TSNARE1: variants seen among roughly 807,000 people sequenced by gnomAD.
The protein encoded by TSNARE1 is t-SNARE domain-containing protein 1.
A neutral mutation model predicts 62.0 loss-of-function variants in TSNARE1; 49 were observed. The observed-to-expected ratio is 0.79, with a 90% CI of 0.63 to 1.00. TSNARE1 has a LOEUF of 1.00. Among genes scored for constraint, TSNARE1 ranks in the 50% least tolerant of loss-of-function variants. The pLI, the probability that TSNARE1 is intolerant of heterozygous loss-of-function variation, is 0.00. For synonymous variants in TSNARE1, 328 were observed against 294.4 expected, an observed-to-expected ratio of 1.11 and a Z score of -1.17; for missense variants, 755 against 700.1, an observed-to-expected ratio of 1.08 and a Z score of -0.88.
At chr8:142,269,161 T>G (rs938158796) in intron 12 of TSNARE1, among the ~76,000 whole-genome samples, 1 of 152,090 alleles carries the variant, frequency 6.6e-6, no homozygotes, top group Non-Finnish European at 1.5e-5. Context: ...CTGACCAGGG[T>G]CAGGGCTGGG....
chr8:142,338,758 T>C (rs906122827), intron 4 of TSNARE1, among the ~76,000 whole-genome samples: 1 of 152,236 alleles, frequency 6.6e-6, no homozygotes. Flanking sequence ...GCAGCCTGAC[T>C]TGGCTTGAGC....
chr8:142,268,496 G>C (rs1432765019), intron 12 of TSNARE1, among the ~76,000 whole-genome samples: 1 of 152,176 alleles, frequency 6.6e-6, no homozygotes, highest in Non-Finnish European at 1.5e-5. Context: ...GTCCTGCAGG[G>C]AAGCCCCCGA....
At chr8:142,236,479 GC>G (rs1817430831) in intron 12 of TSNARE1, among the ~76,000 whole-genome samples, 1 of 152,012 alleles carries the variant, frequency 6.6e-6, no homozygotes, top group South Asian at 2.1e-4. Flanking sequence ...AACCTCCCGG[GC>G]TCCTCAGGCA....
At chr8:142,343,356 T>G (rs181522454) in intron 4 of TSNARE1, among the ~76,000 whole-genome samples, 2 of 151,800 alleles carry the variant, frequency 1.3e-5, no homozygotes, top group African/African-American at 4.8e-5. Context: ...TTTTCTTTCA[T>G]GAGTAGCACA....
chr8:142,219,114 G>A (rs1816083435), intron 13 of TSNARE1, among the ~76,000 whole-genome samples: 1 of 152,156 alleles, frequency 6.6e-6, no homozygotes, highest in Non-Finnish European at 1.5e-5. Flanking sequence ...GATGCTTTCT[G>A]TTCCCTGAGT....
rs1459864804 is a variant in TSNARE1 at position 142,300,755 on chromosome 8, C to CTCTGGGGGACGATCTGGG, written c.1132-112_1132-111insCCCAGATCGTCCCCCAGA. 3 of 1,107,264 alleles carry CTCTGGGGGACGATCTGGG rather than the reference C, an allele frequency of 2.7e-6. No individual in the cohort carries two copies. In the East Asian group the frequency reaches 9.0e-5, roughly 33 times the overall value. The allele number at this position is 1,107,264 out of a possible 1,614,324, so 68.6% of individuals were successfully genotyped here. ...TTTCCCTTCACTATCCCCATCTGCT[C>CTCTGGGGGACGATCTGGG]TCTGAGGGGACGATCTGGGTCTGAG... On this transcript the variant is annotated intron_variant, in intron 9 of 13. Coordinates refer to ENST00000524325, the MANE Select transcript of TSNARE1 (RefSeq NM_145003.5).
intron 1 of TSNARE1, among the ~76,000 whole-genome samples, chr8:142,400,701 CTGT>C (rs1838226855): frequency 6.6e-6 from 1 of 152,212 alleles, no homozygotes; most frequent in African/African-American, 2.4e-5. Flanking sequence ...CCCTAGCCAA[CTGT>C]TCTTATGGCC....
chr8:142,299,647 G>A (rs139598092), intron 10 of TSNARE1, among the ~76,000 whole-genome samples: 5 of 151,824 alleles, frequency 3.3e-5, no homozygotes, highest in Admixed American at 6.6e-5. Flanking sequence ...ACTCACGCAC[G>A]CACGCATACT....
chr8:142,403,085 C>T lies in TSNARE1; in HGVS notation c.-40+19G>A, dbSNP rs1457043791. On this transcript the variant is annotated intron_variant, in intron 1 of 13. Coordinates refer to ENST00000524325, the MANE Select transcript of TSNARE1 (RefSeq NM_145003.5). The stretch of plus-strand genomic sequence containing the variant: ...CGCCCGGCCCCGGCCAGGCCCCAGC[C>T]CCACCGCCGCCGCCTCACCTGGGCC... 4 of 148,794 alleles carry T rather than the reference C, an allele frequency of 2.7e-5. No homozygotes were observed. Among genetic ancestry groups the T allele is most frequent in the African/African-American group, 4.9e-5 (2 of 41,002 alleles). The allele number at this position is 148,794 out of a possible 1,614,324, so 9.2% of individuals were successfully genotyped here.
chr8:142,269,649 G>C (rs1819351167), intron 12 of TSNARE1: 3 of 985,334 alleles, frequency 3.0e-6, no homozygotes, highest in Non-Finnish European at 3.6e-6. Context: ...ATTTTTAATG[G>C]ACAAGAACCC....
At chr8:142,360,031 G>A (rs1442918404) in intron 1 of TSNARE1, among the ~76,000 whole-genome samples, 1 of 152,262 alleles carries the variant, frequency 6.6e-6, no homozygotes, top group East Asian at 1.9e-4. Flanking sequence ...ACAGAAGCCA[G>A]GAAGGCAGCC....
intron 12 of TSNARE1, among the ~76,000 whole-genome samples, chr8:142,262,575 T>C (rs1818950872): frequency 6.6e-6 from 1 of 152,138 alleles, no homozygotes; most frequent in Admixed American, 6.6e-5. Context: ...GGTGCCTGGA[T>C]CATGAGGGCC....
intron 10 of TSNARE1, among the ~76,000 whole-genome samples, chr8:142,295,153 C>T (rs981676500): frequency 2.0e-5 from 3 of 152,194 alleles, no homozygotes; most frequent in Non-Finnish European, 4.4e-5. Flanking sequence ...CCTTCTCCCA[C>T]CCGAGCAACC....
chr8:142,278,935 CAATG>C (rs377707059), intron 11 of TSNARE1: 3 of 349,290 alleles, frequency 8.6e-6, no homozygotes, highest in African/African-American at 6.6e-5. Context: ...TCAACGTGAC[CAATG>C]AATGGACAGG....
At chr8:142,363,038 C>G (rs765370598) in intron 1 of TSNARE1, among the ~76,000 whole-genome samples, 13 of 152,186 alleles carry the variant, frequency 8.5e-5, no homozygotes, top group Non-Finnish European at 1.5e-4. Context: ...CCTGACCCCC[C>G]AGAAGCCCAC....
chr8:142,252,434 G>T (rs1277353004), intron 12 of TSNARE1, among the ~76,000 whole-genome samples: 1 of 152,190 alleles, frequency 6.6e-6, no homozygotes, highest in Non-Finnish European at 1.5e-5. Flanking sequence ...AAATGAGGCT[G>T]GTTTCCCCGT....
intron 12 of TSNARE1, among the ~76,000 whole-genome samples, chr8:142,257,771 C>T (rs896589568): frequency 1.3e-5 from 2 of 152,070 alleles, no homozygotes; most frequent in African/African-American, 2.4e-5. Flanking sequence ...CTGGCCAGGC[C>T]ACCCCTGCCA....
At chr8:142,262,416 A>T (rs779123725) in intron 12 of TSNARE1, among the ~76,000 whole-genome samples, 1 of 152,116 alleles carries the variant, frequency 6.6e-6, no homozygotes, top group South Asian at 2.1e-4. Context: ...TATTGTCCTC[A>T]TATTTTGTTA....
chr8:142,307,582 T>C (rs775584454), intron 9 of TSNARE1, among the ~76,000 whole-genome samples: 5 of 152,196 alleles, frequency 3.3e-5, no homozygotes, highest in South Asian at 4.1e-4. Context: ...GTAAATAGCA[T>C]AGTTGTTCTG....
Sources: allele counts gnomAD v4.1 joint callset (sites outside exome capture counted in the v4.1 genomes callset), GRCh38; gene constraint gnomAD v4.1.1; transcripts MANE v1.5; gene names NCBI Gene and HGNC (gene_info 2026-07-23, HGNC 2026-07-21).